Variants in FNDC3A observed in about 807,000 individuals in gnomAD.
FNDC3A encodes the protein fibronectin type-III domain-containing protein 3A.
A neutral mutation model predicts 148.9 loss-of-function variants in FNDC3A; 32 were observed. The observed-to-expected ratio is 0.21, with a 90% CI of 0.16 to 0.29. The LOEUF is 0.29. Ranked by LOEUF, FNDC3A falls within the 10% of genes least tolerant of loss-of-function variation. The pLI is 1.00. For synonymous variants in FNDC3A, 472 were observed against 473.6 expected (o/e 1.00, Z 0.04); for missense variants, 1,191 against 1,452.8 (o/e 0.82, Z 2.93).
chr13:49,064,411 C>CCCCCCCAA (rs1555286179), intron 2 of FNDC3A, among the ~76,000 whole-genome samples: 2 of 90,056 alleles, frequency 2.2e-5, no homozygotes, highest in African/African-American at 4.4e-5. Flanking sequence ...GCCCCCCCCC[C>CCCCCCCAA]AAAAAAAAAA....
At chr13:49,011,126 A>T (rs1952333957) in intron 2 of FNDC3A, among the ~76,000 whole-genome samples, 1 of 152,082 alleles carries the variant, frequency 6.6e-6, no homozygotes, top group Admixed American at 6.5e-5. Context: ...TCAAACTGTT[A>T]ATCAAACTGT....
At chr13:49,027,367 C>T (rs1873792374) in intron 2 of FNDC3A, among the ~76,000 whole-genome samples, 2 of 152,190 alleles carry the variant, frequency 1.3e-5, no homozygotes, top group South Asian at 2.1e-4. Context: ...TGTCTCCTTA[C>T]ATTCAGTAGG....
intron 2 of FNDC3A, among the ~76,000 whole-genome samples, chr13:49,027,388 A>G (rs1442360423): frequency 6.6e-6 from 1 of 152,238 alleles, no homozygotes; most frequent in East Asian, 1.9e-4. Flanking sequence ...AATGTTCACA[A>G]GACAGTTGAG....
At chr13:49,170,273 G>A (rs753347014) in intron 10 of FNDC3A, among the ~76,000 whole-genome samples, 1 of 151,964 alleles carries the variant, frequency 6.6e-6, no homozygotes, top group African/African-American at 2.4e-5. Context: ...CATCTAAATC[G>A]CCCATAGTAT....
intron 23 of FNDC3A, among the ~76,000 whole-genome samples, chr13:49,199,457 A>G (rs1886323002): frequency 6.6e-6 from 1 of 151,078 alleles, no homozygotes; most frequent in African/African-American, 2.4e-5. Context: ...CCTCCCAAGT[A>G]GCTGGGACTA....
chr13:49,151,198 A>T (rs1254065558), intron 8 of FNDC3A, among the ~76,000 whole-genome samples: 1 of 152,154 alleles, frequency 6.6e-6, no homozygotes, highest in East Asian at 1.9e-4. Flanking sequence ...GTCCCCAACT[A>T]TTATTTTATT....
chr13:49,179,694 T>C (rs1172795749), intron 14 of FNDC3A, among the ~76,000 whole-genome samples: 1 of 152,208 alleles, frequency 6.6e-6, no homozygotes, highest in African/African-American at 2.4e-5. Flanking sequence ...TTACTTTGAT[T>C]ATTGTGAGGC....
rs1049365674 is a variant in FNDC3A, at chr13:49,110,251, A to G, written c.176-4404A>G. ...TTCCTGGGTCACTGCAGGTCACGTG[A>G]TGACTGTCACGTGACTCGGTCAAAG... On this transcript the variant is annotated intron_variant, in intron 3 of 25. Transcript: ENST00000492622. 8 of 1,138,700 alleles carry G rather than the reference A, an allele frequency of 7.0e-6. No homozygotes were observed. In the East Asian group the frequency reaches 8.2e-5, roughly 12 times the overall value. 70.5% of individuals were successfully genotyped at this position (1,138,700 alleles called of 1,614,324 possible).
intron 11 of FNDC3A, among the ~76,000 whole-genome samples, chr13:49,172,925 G>A (rs1379282030): frequency 6.6e-6 from 1 of 152,162 alleles, no homozygotes; most frequent in Non-Finnish European, 1.5e-5. Context: ...TTGTGCAAAG[G>A]TAGTTGCTGT....
intron 3 of FNDC3A, among the ~76,000 whole-genome samples, chr13:49,079,358 A>T (rs1383783979): frequency 6.6e-6 from 1 of 152,232 alleles, no homozygotes; most frequent in Non-Finnish European, 1.5e-5. Flanking sequence ...CAGTTGTATT[A>T]CAGTATAAAA....
rs371476884 is a variant in FNDC3A at position 48,992,788 on chromosome 13, GT to G, written c.-39-13359del. Among the ~76,000 whole-genome samples the G allele has an allele frequency of 3.0e-3, 460 of 152,118 alleles. 1 individual carries two copies. Among genetic ancestry groups the G allele is most frequent in the African/African-American group, 9.9e-3 (411 of 41,514 alleles). On this transcript the variant is annotated intron_variant, in intron 1 of 25. Transcript: ENST00000492622. The stretch of plus-strand genomic sequence containing the variant: ...TATTAGGTTGGTGCGAAAGTAACTG[GT>G]TTTTGCCATTGCTTTCAATTAAAAG...
At chr13:49,183,223 A>G (rs1885394485) in intron 14 of FNDC3A, among the ~76,000 whole-genome samples, 1 of 151,874 alleles carries the variant, frequency 6.6e-6, no homozygotes, top group South Asian at 2.1e-4. Context: ...TCTCTTACCC[A>G]AGCTTCCCCT....
intron 2 of FNDC3A, among the ~76,000 whole-genome samples, chr13:49,067,770 G>A (rs1877363316): frequency 6.6e-6 from 1 of 152,092 alleles, no homozygotes; most frequent in African/African-American, 2.4e-5. Flanking sequence ...TCTACAGAAA[G>A]TTTATATACC....
At chr13:49,002,758 TTGTTTTC>T (rs1320970004) in intron 1 of FNDC3A, among the ~76,000 whole-genome samples, 1 of 152,198 alleles carries the variant, frequency 6.6e-6, no homozygotes, top group Non-Finnish European at 1.5e-5. Context: ...TTTATCCATG[TTGTTTTC>T]TGTATCACTA....
At chr13:49,137,912 G>C (rs1006460025) in intron 6 of FNDC3A, among the ~76,000 whole-genome samples, 2 of 152,116 alleles carry the variant, frequency 1.3e-5, no homozygotes, top group Non-Finnish European at 2.9e-5. Flanking sequence ...ACCATGTCAG[G>C]TTCTAAAGGT....
intron 2 of FNDC3A, among the ~76,000 whole-genome samples, chr13:49,013,541 T>TA (rs964176812): frequency 1.3e-4 from 20 of 151,732 alleles, no homozygotes; most frequent in African/African-American, 4.6e-4. Context: ...TATATACGTG[T>TA]ACATGTGTAT....
chr13:49,046,852 A>G (rs1449137470), intron 2 of FNDC3A: 1 of 133,740 alleles, frequency 7.5e-6, no homozygotes, highest in African/African-American at 2.8e-5. Flanking sequence ...AAAGTTAAAA[A>G]GTTTTTTTTT....
intron 1 of FNDC3A, among the ~76,000 whole-genome samples, chr13:48,999,353 A>C (rs547798719): frequency 6.4e-4 from 97 of 152,256 alleles, no homozygotes; most frequent in African/African-American, 2.0e-3. Flanking sequence ...TCTGATTTCT[A>C]CCTTTTGGAG....
At chr13:49,197,500 A>G (rs1886211315) in intron 20 of FNDC3A, among the ~76,000 whole-genome samples, 1 of 152,200 alleles carries the variant, frequency 6.6e-6, no homozygotes, top group Admixed American at 6.5e-5. Context: ...ACTTAGTCAT[A>G]TTTCTACTTC....
Sources: allele counts gnomAD v4.1 joint callset (sites outside exome capture counted in the v4.1 genomes callset), GRCh38; gene constraint gnomAD v4.1.1; transcripts MANE v1.5; gene names NCBI Gene and HGNC (gene_info 2026-07-23, HGNC 2026-07-21).